The following TCF20 variants were observed in gnomAD, a reference collection of about 807,000 sequenced individuals.
The protein encoded by TCF20 is SPRE-binding protein.
In TCF20, 3 loss-of-function variants were observed where a neutral mutation model predicts 148.6. That is an observed-to-expected ratio of 0.02 (90% CI 0.01 to 0.05). The LOEUF (loss-of-function observed/expected upper bound fraction) is 0.05. Among genes scored for constraint, TCF20 ranks in the 10% least tolerant of loss-of-function variants. The pLI is 1.00. For missense variants in TCF20, 2,350 were observed against 2,429.3 expected, an observed-to-expected ratio of 0.97 and a Z score of 0.69; for synonymous variants, 1,049 against 909.5, an observed-to-expected ratio of 1.15 and a Z score of -2.76.
Position 42,214,529 on chromosome 22 carries a change from G to C in TCF20, c.777C>G (p.Ser259Arg). ...CATTCACATTGTAACTGCCATCATA[G>C]CTCTGTCCAGACTGGCTAAAACGCT... is the stretch of plus-strand genomic sequence containing the variant. ...SPQRFSQSGQ[S>R]YDGSYNVNAG... The change falls in exon 2 of 6, where the codon AGC (serine) becomes AGG (arginine). Residue 259 changes from serine to arginine, a missense_variant. By Grantham distance (110) the Ser-to-Arg change is moderately radical. Around this residue, in one of 7 missense-constraint regions of TCF20, gnomAD observed 1,641 missense variants for 1,662.6 expected, o/e 0.99. Coordinates refer to ENST00000677622, the MANE Select transcript of TCF20 (RefSeq NM_001378418.1). 6.2e-7 allele frequency: 1 copy of C among 1,614,214 alleles called. No individual in the cohort carries two copies. Among genetic ancestry groups the C allele is most frequent in the South Asian group, 1.1e-5 (1 of 91,088 alleles).
chr22:42,236,707 G>GA (rs1244679896), intron 1 of TCF20, among the ~76,000 whole-genome samples: 1 of 152,122 alleles, frequency 6.6e-6, no homozygotes, highest in African/African-American at 2.4e-5. Flanking sequence ...AACATTCTAT[G>GA]AAAAATCAGC....
intron 1 of TCF20, among the ~76,000 whole-genome samples, chr22:42,282,777 G>A (rs1412711880): frequency 6.6e-6 from 1 of 152,180 alleles, no homozygotes; most frequent in Non-Finnish European, 1.5e-5. Context: ...AGGAGGGGCT[G>A]CCATGCCTGG....
chr22:42,239,295 G>T (rs769072477), intron 1 of TCF20, among the ~76,000 whole-genome samples: 1 of 149,434 alleles, frequency 6.7e-6, no homozygotes, highest in Non-Finnish European at 1.5e-5. Context: ...TAGCCAATAC[G>T]GAGAAACCCC....
intron 1 of TCF20, among the ~76,000 whole-genome samples, chr22:42,244,610 C>A (rs560499371): frequency 6.6e-6 from 1 of 152,176 alleles, no homozygotes; most frequent in Admixed American, 6.5e-5. Flanking sequence ...GAAAGCAGAT[C>A]GGTGGTTGCA....
At chr22:42,318,012 G>A (rs575619164) in intron 1 of TCF20, among the ~76,000 whole-genome samples, 1 of 152,114 alleles carries the variant, frequency 6.6e-6, no homozygotes, top group Non-Finnish European at 1.5e-5. Flanking sequence ...ACAGGGGCGT[G>A]TGCCCAGGGC....
In TCF20 at chr22:42,211,390, G is replaced by C. The variant is rs780925899; in HGVS notation, c.3916C>G (p.Gln1306Glu). 3.7e-6 allele frequency: 6 copies of C among 1,614,074 alleles called. No homozygotes were observed. In the African/African-American group the frequency reaches 5.3e-5, roughly 14 times the overall value. Residue 1306 changes from glutamine (Q) to glutamate (E), a missense_variant, in exon 2 of 6, where the codon CAG (glutamine) becomes GAG (glutamate). Physicochemically the swap from Gln to Glu is conservative, Grantham distance 29. Transcript: ENST00000677622. ...CTCTTAGGGATAGACTTGATATCCT[G>C]ACTGTGAGAAAGATGGGCATAGGAA... is the stretch of plus-strand genomic sequence containing the variant. ...FNSYAHLSHSQDIKSIPKRDS... is the reference protein window; with the variant it reads ...FNSYAHLSHSEDIKSIPKRDS...
intron 2 of TCF20, among the ~76,000 whole-genome samples, chr22:42,194,302 C>G (rs1446161073): frequency 6.6e-6 from 1 of 152,184 alleles, no homozygotes; most frequent in Non-Finnish European, 1.5e-5. Context: ...GAACAGAATG[C>G]TGGGTCAGCA....
At chr22:42,272,284 G>C (rs1181734624), upstream of TCF20, among the ~76,000 whole-genome samples, 2 of 152,352 alleles carry the variant, frequency 1.3e-5, no homozygotes, top group East Asian at 3.9e-4. Context: ...GCTGTAAAGG[G>C]AAAGCTGGAA....
chr22:42,250,488 G>A (rs1197026112), intron 1 of TCF20, among the ~76,000 whole-genome samples: 1 of 147,098 alleles, frequency 6.8e-6, no homozygotes, highest in East Asian at 2.0e-4. Flanking sequence ...TCAATGAGAT[G>A]TCCTTTTTTT....
In TCF20 at chr22:42,213,016, G is replaced by C. The variant is rs1921182045; in HGVS notation, c.2290C>G (p.Pro764Ala). The change falls in exon 2 of 6, where the codon CCT (proline) becomes GCT (alanine). Residue 764 changes from proline (P) to alanine (A), a missense_variant. By Grantham distance (27) the Pro-to-Ala change is conservative. Around this residue, in one of 7 missense-constraint regions of TCF20, gnomAD observed 1,641 missense variants for 1,662.6 expected, o/e 0.99. Coordinates refer to ENST00000677622, the MANE Select transcript of TCF20 (RefSeq NM_001378418.1). ...GTACTCCTAGAATATCTCCTGTCAG[G>C]GTGGTGGTGGTAACCCTGAAGCACT... ...QEVLQGYHHH[P>A]DRRYSRSTQE... The C allele has an allele frequency of 6.2e-7, 1 of 1,613,942 alleles. No individual in the cohort carries two copies. The highest frequency in any genetic ancestry group is 8.5e-7 in the Non-Finnish European group (1 of 1,179,998).
intron 2 of TCF20, among the ~76,000 whole-genome samples, chr22:42,192,466 T>C (rs1235282047): frequency 2.0e-5 from 3 of 152,270 alleles, no homozygotes; most frequent in East Asian, 3.9e-4. Context: ...CTCAAACAGG[T>C]TGAGGTATTG....
intron 1 of TCF20, among the ~76,000 whole-genome samples, chr22:42,245,389 A>AT (rs1006548741): frequency 3.9e-5 from 6 of 152,096 alleles, no homozygotes; most frequent in African/African-American, 1.2e-4. Flanking sequence ...CTCCTGTCTC[A>AT]TTCCCATGGC....
intron 1 of TCF20, among the ~76,000 whole-genome samples, chr22:42,330,073 C>T (rs9607890): frequency 2.0e-5 from 3 of 152,210 alleles, no homozygotes; most frequent in African/African-American, 4.8e-5. Flanking sequence ...CCAGGCCCAC[C>T]GCCACCCCAT....
intron 2 of TCF20, among the ~76,000 whole-genome samples, chr22:42,205,672 T>G (rs1938336474): frequency 6.6e-6 from 1 of 152,344 alleles, no homozygotes; most frequent in South Asian, 2.1e-4. Context: ...TGTCCTTGAG[T>G]GCACTGAGAA....
chr22:42,235,085 T>G (rs1362602116), intron 1 of TCF20, among the ~76,000 whole-genome samples: 2 of 147,286 alleles, frequency 1.4e-5, no homozygotes, highest in African/African-American at 2.5e-5. Flanking sequence ...GAAGTTGCAG[T>G]GAGCCGAGAT....
intron 5 of TCF20, among the ~76,000 whole-genome samples, chr22:42,165,860 T>C (rs1935751487): frequency 6.6e-6 from 1 of 152,236 alleles, no homozygotes; most frequent in Non-Finnish European, 1.5e-5. Flanking sequence ...CATGGAGTAG[T>C]CTGATCTTAG....
intron 1 of TCF20, among the ~76,000 whole-genome samples, chr22:42,232,800 A>G (rs1488477582): frequency 1.9e-5 from 2 of 106,442 alleles, no homozygotes; most frequent in Non-Finnish European, 4.3e-5. Flanking sequence ...CTCCGTCTCC[A>G]AAAAGAAAAA....
At chr22:42,322,943 G>A (rs969714260) in intron 1 of TCF20, among the ~76,000 whole-genome samples, 2 of 150,050 alleles carry the variant, frequency 1.3e-5, no homozygotes, top group African/African-American at 4.9e-5. Context: ...TTTCACTCTC[G>A]TTGCCCAGGC....
At chr22:42,221,414 CA>C (rs1206957556) in intron 1 of TCF20, among the ~76,000 whole-genome samples, 1 of 152,152 alleles carries the variant, frequency 6.6e-6, no homozygotes, top group East Asian at 1.9e-4. Flanking sequence ...TTAAATTACC[CA>C]GTTTGAATGT....
Sources: gnomAD v4.1 joint callset for allele counts (sites outside exome capture counted in the v4.1 genomes callset) on GRCh38, gnomAD v4.1.1 for gene constraint, gnomAD v4.1.1 regional missense constraint, MANE v1.5 for transcripts, NCBI Gene and HGNC (gene_info 2026-07-23, HGNC 2026-07-21) for gene names.